The following PPIF variants were observed in gnomAD, a reference collection of about 807,000 sequenced individuals.
The protein encoded by PPIF is peptidyl-prolyl cis-trans isomerase F, mitochondrial.
PPIF carries 23 observed loss-of-function variants against 20.2 expected under a neutral mutation model. The observed-to-expected ratio is 1.14, with a 90% confidence interval of 0.82 to 1.61. The LOEUF (loss-of-function observed/expected upper bound fraction) is 1.61, where lower values mean the gene tolerates loss of function less well. PPIF is among the 40% of genes most tolerant of loss of function. The pLI is 0.00. For missense variants in PPIF, 287 were observed against 291.6 expected (o/e 0.98, Z 0.11); for synonymous variants, 113 against 123.1 (o/e 0.92, Z 0.54).
rs975985611 is a variant in PPIF at position 79,349,980 on chromosome 10, G to A, written c.315+227G>A. 105 of 927,944 alleles carry A rather than the reference G, an allele frequency of 1.1e-4. No individual in the cohort carries two copies. The African/African-American group carries it at 1.6e-3, about 14-fold the overall frequency. The allele number at this position is 927,944 out of a possible 1,614,324, so 57.5% of individuals were successfully genotyped here. On this transcript the variant is annotated intron_variant, in intron 3 of 5. Transcript: ENST00000225174. The stretch of plus-strand genomic sequence containing the variant: ...GTGGCAGGCCCTGCCCGGGGGACTG[G>A]GAGGTGGAGTCTATCAAGAGAGAGC...
At chr10:79,353,539 A>AT (rs1856007878) in intron 5 of PPIF, 168 bp from the exon 6 acceptor site, 1 of 1,213,778 alleles carries the variant, frequency 8.2e-7, no homozygotes, top group Non-Finnish European at 1.2e-6. Flanking sequence ...TCTGGGGTGT[A>AT]TTTGGGGCGC....
intron 1 of PPIF, among the ~76,000 whole-genome samples, chr10:79,348,835 G>A (rs1855937400): frequency 6.6e-6 from 1 of 152,226 alleles, no homozygotes; most frequent in Non-Finnish European, 1.5e-5. Flanking sequence ...AGATAGCATT[G>A]TCATCTCTTC....
At chr10:79,348,929 G>C (rs1213220479) in intron 1 of PPIF, 147 bp from the exon 2 acceptor site, 16 of 1,576,252 alleles carry the variant, frequency 1.0e-5, no homozygotes, top group Non-Finnish European at 1.4e-5. Flanking sequence ...GCCTCCCATG[G>C]GGGTTGGCAA....
In PPIF at chr10:79,353,903, G is replaced by T. The variant is rs1397739122; in HGVS notation, c.*61G>T. On this transcript the variant is annotated 3_prime_UTR_variant, in exon 6 of 6. Transcript: ENST00000225174. Reference sequence around the variant, plus strand: ...AATGTCCATGCACCCAGGTGGCCGCGTTGGGCTGTCAGCCAAGGTGCCTGA... The same window carrying T: ...AATGTCCATGCACCCAGGTGGCCGCTTTGGGCTGTCAGCCAAGGTGCCTGA... 3.2e-6 allele frequency: 5 copies of T among 1,565,902 alleles called. No homozygotes were observed. Among genetic ancestry groups the T allele is most frequent in the Non-Finnish European group, 4.4e-6 (5 of 1,147,094 alleles).
At chr10:79,349,418 C>T (rs543473167) in intron 2 of PPIF, among the ~76,000 whole-genome samples, 7 of 152,232 alleles carry the variant, frequency 4.6e-5, no homozygotes, top group Non-Finnish European at 8.8e-5. Flanking sequence ...GCCCTTGAGT[C>T]CGTGCCCTGC....
intron 5 of PPIF, among the ~76,000 whole-genome samples, chr10:79,353,274 TG>T (rs1856005610): frequency 6.6e-6 from 1 of 152,256 alleles, no homozygotes; most frequent in South Asian, 2.1e-4. Context: ...TCTCTCGGGT[TG>T]AGAGCTGCCC....
intron 1 of PPIF, 45 bp downstream of exon 1, chr10:79,347,788 G>T: frequency 7.1e-6 from 9 of 1,267,384 alleles, no homozygotes; most frequent in Non-Finnish European, 9.0e-6. Flanking sequence ...ACACGGGCCC[G>T]GGGAGAGCCC....
intron 5 of PPIF, among the ~76,000 whole-genome samples, chr10:79,352,816 C>T (rs545334010): frequency 6.6e-6 from 1 of 152,248 alleles, no homozygotes; most frequent in Non-Finnish European, 1.5e-5. Flanking sequence ...AATGCTGCAG[C>T]AGACATTTGG....
intron 3 of PPIF, 25 bp from the exon 4 acceptor site, chr10:79,351,462 C>G (rs745525785): frequency 2.5e-6 from 4 of 1,612,308 alleles, no homozygotes; most frequent in Non-Finnish European, 3.4e-6. Context: ...ATGGTAGCCA[C>G]TCAGAAGGTG....
rs1217053777 is a variant in PPIF at position 79,351,496 on chromosome 10, TTCACCAAC to T, written c.326_333del (p.Phe109SerfsTer16). 6.2e-7 allele frequency: 1 copy of T among 1,613,816 alleles called. No individual in the cohort carries two copies. The highest frequency in any genetic ancestry group is 1.3e-5 in the African/African-American group (1 of 74,940). ...TGCTTTGTGCTCACAGGCGGGCGACTTCACCAACCACAATGGCACAGGCGGGAAGTCCA... is the reference window on the plus strand; with the variant it reads ...TGCTTTGTGCTCACAGGCGGGCGACTCACAATGGCACAGGCGGGAAGTCCA... On this transcript the variant is annotated frameshift_variant, in exon 4 of 6. Coordinates refer to ENST00000225174, the MANE Select transcript of PPIF (RefSeq NM_005729.4). LOFTEE classifies it high-confidence loss of function.
chr10:79,351,520 G>A lies in PPIF; in HGVS notation c.349G>A (p.Gly117Arg), dbSNP rs139864126. The change falls in exon 4 of 6, where the codon GGG (glycine) becomes AGG (arginine). Residue 117 changes from glycine to arginine, a missense_variant. Transcript: ENST00000225174. ...CTTCACCAACCACAATGGCACAGGC[G>A]GGAAGTCCATCTACGGAAGCCGCTT... is the stretch of plus-strand genomic sequence containing the variant. Reference protein sequence around the residue: ...GDFTNHNGTGGKSIYGSRFPD... With the variant: ...GDFTNHNGTGRKSIYGSRFPD... The A allele has an allele frequency of 1.2e-4, 192 of 1,613,964 alleles. No individual in the cohort carries two copies. Among genetic ancestry groups the A allele is most frequent in the South Asian group, 2.0e-4 (18 of 91,080 alleles).
chr10:79,348,536 T>G (rs1855932568), intron 1 of PPIF, among the ~76,000 whole-genome samples: 1 of 152,112 alleles, frequency 6.6e-6, no homozygotes, highest in Non-Finnish European at 1.5e-5. Flanking sequence ...CAGGGAGCCC[T>G]TAGTATTTCT....
Position 79,353,802 on chromosome 10 carries a change from C to T in PPIF, c.584C>T (p.Ser195Phe). The change falls in exon 6 of 6, where the codon TCC (serine) becomes TTC (phenylalanine). Residue 195 changes from serine (S) to phenylalanine (F), a missense_variant. By Grantham distance (155) the Ser-to-Phe change is radical. Coordinates refer to ENST00000225174, the MANE Select transcript of PPIF (RefSeq NM_005729.4). ...ESFGSKSGRT[S>F]KKIVITDCGQ... ...TTCGGCTCTAAGAGTGGGAGGACAT[C>T]CAAGAAGATTGTCATCACAGACTGT... 1 of 1,614,224 alleles carries T rather than the reference C, an allele frequency of 6.2e-7. No individual in the cohort carries two copies. Among genetic ancestry groups the T allele is most frequent in the East Asian group, 2.2e-5 (1 of 44,886 alleles).
rs1255350647 is a variant in PPIF at position 79,351,701 on chromosome 10, C to G, written c.412+118C>G. The G allele has an allele frequency of 7.1e-6, 6 of 842,100 alleles. No individual in the cohort carries two copies. The East Asian group carries it at 1.6e-4, about 23-fold the overall frequency. The allele number at this position is 842,100 out of a possible 1,614,324, so 52.2% of individuals were successfully genotyped here. On this transcript the variant is annotated intron_variant, in intron 4 of 5. Transcript: ENST00000225174. ...GTCCAGTATCTGATGAGTCTCCTTC[C>G]TCCCTGCGACACTGTAGGCTGTCTC...
chr10:79,349,730 G>T lies in PPIF; in HGVS notation c.292G>T (p.Val98Leu). 6.2e-7 allele frequency: 1 copy of T among 1,614,050 alleles called. No individual in the cohort carries two copies. Among genetic ancestry groups the T allele is most frequent in the Non-Finnish European group, 8.5e-7 (1 of 1,180,014 alleles). Reference sequence around the variant, plus strand: ...CTACAAAGGCTCCACCTTCCACAGGGTGATCCCTTCCTTCATGTGCCAGGT... The same window carrying T: ...CTACAAAGGCTCCACCTTCCACAGGTTGATCCCTTCCTTCATGTGCCAGGT... ...FGYKGSTFHR[V>L]IPSFMCQAGD... The change falls in exon 3 of 6, where the codon GTG becomes TTG. Residue 98 changes from valine (V) to leucine (L), a missense_variant. Physicochemically the swap from Val to Leu is conservative, Grantham distance 32. Transcript: ENST00000225174.
At chr10:79,347,825 C>G in intron 1 of PPIF, 82 bp downstream of exon 1, 1 of 1,239,616 alleles carries the variant, frequency 8.1e-7, no homozygotes, top group Non-Finnish European at 1.0e-6. Context: ...CGGTGCCGGG[C>G]GCGCTGGGTG....
In PPIF at chr10:79,347,477, T is replaced by C. The variant is rs1454563575; in HGVS notation, c.-72T>C. 2 of 1,250,452 alleles carry C rather than the reference T, an allele frequency of 1.6e-6. No homozygotes were observed. Among genetic ancestry groups the C allele is most frequent in the East Asian group, 3.3e-5 (1 of 30,632 alleles). The allele number at this position is 1,250,452 out of a possible 1,614,324, so 77.5% of individuals were successfully genotyped here. On this transcript the variant is annotated 5_prime_UTR_variant, in exon 1 of 6. Transcript: ENST00000225174. ...GCGCGCGGCTGCGCGGGACTCGGCC[T>C]TCTGGGCGCGCGCGACGTCAGTTTG...
intron 1 of PPIF, 64 bp downstream of exon 1, chr10:79,347,807 G>C (rs1855920228): frequency 8.0e-7 from 1 of 1,244,490 alleles, no homozygotes; most frequent in East Asian, 3.2e-5. Context: ...CCTGGGCCCC[G>C]GGCGGCGCGG....
chr10:79,354,095 A>G lies in PPIF; in HGVS notation c.*253A>G, dbSNP rs1204835750. The G allele has an allele frequency of 1.4e-5, 7 of 509,176 alleles. No homozygotes were observed. Among genetic ancestry groups the G allele is most frequent in the Non-Finnish European group, 2.1e-5 (6 of 280,672 alleles). The allele number at this position is 509,176 out of a possible 1,614,324, so 31.5% of individuals were successfully genotyped here. On this transcript the variant is annotated 3_prime_UTR_variant, in exon 6 of 6. Coordinates refer to ENST00000225174, the MANE Select transcript of PPIF (RefSeq NM_005729.4). ...TGATGTCACCCACCCCTTGTCAAGC[A>G]TTGCCTGTGATTGCCCAGCCCAGAT... is the stretch of plus-strand genomic sequence containing the variant.
Sources: allele counts gnomAD v4.1 joint callset (sites outside exome capture counted in the v4.1 genomes callset), GRCh38; gene constraint gnomAD v4.1.1; transcripts MANE v1.5; gene names NCBI Gene and HGNC (gene_info 2026-07-23, HGNC 2026-07-21).